ATP8B4: variants seen among roughly 807,000 people sequenced by gnomAD.
The protein encoded by ATP8B4 is probable phospholipid-transporting ATPase IM.
A neutral mutation model predicts 145.6 loss-of-function variants in ATP8B4; 133 were observed. The ratio of observed to expected loss-of-function variants is 0.91; its 90% CI spans 0.79 to 1.05. The LOEUF (loss-of-function observed/expected upper bound fraction) is 1.05, where lower values mean the gene tolerates loss of function less well. ATP8B4 is among the 50% of genes least tolerant of loss of function. The probability of loss-of-function intolerance (pLI) is 0.00; values close to 1 mark genes in which losing one functional copy is unlikely to be tolerated. For synonymous variants in ATP8B4, 507 were observed against 492.9 expected, an observed-to-expected ratio of 1.03 and a Z score of -0.38; for missense variants, 1,458 against 1,425.2, an observed-to-expected ratio of 1.02 and a Z score of -0.37.
chr15:50,169,110 G>A (rs1440582896), intron 1 of ATP8B4, among the ~76,000 whole-genome samples: 1 of 152,174 alleles, frequency 6.6e-6, no homozygotes, highest in African/African-American at 2.4e-5. Context: ...GGTAGTGGAA[G>A]AAAAACGGCC....
chr15:50,076,763 C>G (rs554874534), intron 2 of ATP8B4, among the ~76,000 whole-genome samples: 1 of 152,302 alleles, frequency 6.6e-6, no homozygotes, highest in Admixed American at 6.5e-5. Flanking sequence ...TGAACTAAGT[C>G]TTCCTGGATT....
At chr15:49,967,803 A>G (rs1178937256) in intron 13 of ATP8B4, among the ~76,000 whole-genome samples, 2 of 152,164 alleles carry the variant, frequency 1.3e-5, no homozygotes, top group East Asian at 3.8e-4. Flanking sequence ...GAGAAGAGCA[A>G]CTCCAAGACA....
At chr15:50,036,946 A>G (rs1239069461) in intron 6 of ATP8B4, among the ~76,000 whole-genome samples, 1 of 152,224 alleles carries the variant, frequency 6.6e-6, no homozygotes, top group East Asian at 1.9e-4. Flanking sequence ...ACTATCTCAC[A>G]AGGAATTAAC....
At chr15:49,925,050 A>C (rs527807288) in intron 16 of ATP8B4, among the ~76,000 whole-genome samples, 2 of 152,236 alleles carry the variant, frequency 1.3e-5, no homozygotes, top group Admixed American at 6.5e-5. Flanking sequence ...TTATGGTCTC[A>C]GGACCTTCTT....
At chr15:50,027,793 C>T (rs1194132387) in intron 6 of ATP8B4, among the ~76,000 whole-genome samples, 2 of 152,146 alleles carry the variant, frequency 1.3e-5, no homozygotes, top group Non-Finnish European at 2.9e-5. Flanking sequence ...GATAGGTCCT[C>T]GAAAACTATG....
intron 1 of ATP8B4, among the ~76,000 whole-genome samples, chr15:50,174,136 A>G (rs2044728722): frequency 6.6e-6 from 1 of 152,232 alleles, no homozygotes; most frequent in African/African-American, 2.4e-5. Context: ...CATACAAGGG[A>G]CATACCTCAA....
chr15:50,098,902 G>T (rs943272712), intron 2 of ATP8B4, among the ~76,000 whole-genome samples: 3 of 152,020 alleles, frequency 2.0e-5, no homozygotes, highest in African/African-American at 7.2e-5. Context: ...TAATAGTAAT[G>T]GATACATAAT....
chr15:50,058,617 G>T (rs2052775327), intron 3 of ATP8B4, among the ~76,000 whole-genome samples: 1 of 152,118 alleles, frequency 6.6e-6, no homozygotes, highest in African/African-American at 2.4e-5. Flanking sequence ...CACCTCAGGG[G>T]TAGCCATGCA....
intron 3 of ATP8B4, among the ~76,000 whole-genome samples, chr15:50,061,158 C>T (rs983162319): frequency 6.6e-6 from 1 of 151,210 alleles, no homozygotes; most frequent in Non-Finnish European, 1.5e-5. Context: ...TTCTGGACTT[C>T]GTTTTCAATC....
intron 1 of ATP8B4, among the ~76,000 whole-genome samples, chr15:50,130,319 A>G (rs933755494): frequency 4.6e-5 from 7 of 152,154 alleles, no homozygotes; most frequent in Admixed American, 2.0e-4. Flanking sequence ...TGGGTCTCTA[A>G]TACCTGAGGG....
chr15:50,152,163 T>C (rs2044356744), intron 1 of ATP8B4, among the ~76,000 whole-genome samples: 1 of 152,200 alleles, frequency 6.6e-6, no homozygotes, highest in Non-Finnish European at 1.5e-5. Flanking sequence ...TTAAGAGTAC[T>C]TTTTAGACTC....
chr15:50,055,991 G>A (rs1023495834), intron 3 of ATP8B4, among the ~76,000 whole-genome samples: 1 of 152,096 alleles, frequency 6.6e-6, no homozygotes, highest in African/African-American at 2.4e-5. Context: ...TCCAGGATAG[G>A]GGCAATGGAA....
At chr15:49,979,108 C>T (rs2045939493) in intron 12 of ATP8B4, among the ~76,000 whole-genome samples, 1 of 152,020 alleles carries the variant, frequency 6.6e-6, no homozygotes, top group African/African-American at 2.4e-5. Flanking sequence ...ATTCACTCCT[C>T]ATACAATCGT....
chr15:50,155,476 T>C (rs927453773), intron 1 of ATP8B4, among the ~76,000 whole-genome samples: 2 of 152,130 alleles, frequency 1.3e-5, no homozygotes, highest in African/African-American at 4.8e-5. Context: ...GTGTTTACAA[T>C]CTTGAAGTCA....
At chr15:49,972,196 AACC>A (rs1001394298) in intron 13 of ATP8B4, among the ~76,000 whole-genome samples, 5 of 152,106 alleles carry the variant, frequency 3.3e-5, no homozygotes, top group African/African-American at 1.2e-4. Context: ...GGGTACAGCA[AACC>A]ACCATGGTAC....
intron 24 of ATP8B4, among the ~76,000 whole-genome samples, chr15:49,876,951 T>C (rs540893373): frequency 6.6e-6 from 1 of 152,194 alleles, no homozygotes; most frequent in Non-Finnish European, 1.5e-5. Context: ...GACCAGGAGA[T>C]GACAGCAGAG....
intron 1 of ATP8B4, among the ~76,000 whole-genome samples, chr15:50,110,451 CAGAGT>C (rs1181809061): frequency 6.6e-6 from 1 of 152,056 alleles, no homozygotes; most frequent in Non-Finnish European, 1.5e-5. Flanking sequence ...TAAAGGTTGT[CAGAGT>C]AAAGAAAAAG....
chr15:49,862,606 G>A (rs761871046), intron 26 of ATP8B4, among the ~76,000 whole-genome samples: 4 of 151,954 alleles, frequency 2.6e-5, no homozygotes, highest in East Asian at 1.9e-4. Flanking sequence ...ACAGGTGCCC[G>A]CCACCACGCC....
intron 1 of ATP8B4, among the ~76,000 whole-genome samples, chr15:50,166,491 T>C (rs902183715): frequency 6.6e-6 from 1 of 152,180 alleles, no homozygotes; most frequent in African/African-American, 2.4e-5. Flanking sequence ...CTGCCAACCC[T>C]CTACTGGTGA....
Sources: allele counts gnomAD v4.1 joint callset (sites outside exome capture counted in the v4.1 genomes callset), GRCh38; gene constraint gnomAD v4.1.1; transcripts MANE v1.5; gene names NCBI Gene and HGNC (gene_info 2026-07-23, HGNC 2026-07-21).